The following STK32B variants were observed in gnomAD, a reference collection of about 807,000 sequenced individuals.
STK32B encodes the protein serine/threonine kinase 32B.
Under a neutral mutation model 52.6 loss-of-function variants are expected in STK32B, and 43 were observed. The ratio of observed to expected loss-of-function variants is 0.82; its 90% CI spans 0.64 to 1.05. The LOEUF is 1.05. STK32B is among the 50% of genes least tolerant of loss of function. The pLI is 0.00. For synonymous variants in STK32B, 238 were observed against 204.3 expected, an observed-to-expected ratio of 1.17 and a Z score of -1.41; for missense variants, 621 against 534.6, an observed-to-expected ratio of 1.16 and a Z score of -1.59.
At chr4:5,077,003 C>G (rs1042016405) in intron 1 of STK32B, among the ~76,000 whole-genome samples, 4 of 152,126 alleles carry the variant, frequency 2.6e-5, no homozygotes, top group Non-Finnish European at 5.9e-5. Context: ...CAGGCCTCAT[C>G]ATCTGCAGTG....
In STK32B at chr4:5,061,143, A is replaced by G. The variant is rs186178301; in HGVS notation, c.52+9228A>G. ...AATTGCAAAAGCATTAGACCTTATCACTATGCCCCATCTGGCTTTGACAAT... is the reference window on the plus strand; with the variant it reads ...AATTGCAAAAGCATTAGACCTTATCGCTATGCCCCATCTGGCTTTGACAAT... On this transcript the variant is annotated intron_variant, in intron 1 of 11. Coordinates refer to ENST00000282908, the MANE Select transcript of STK32B (RefSeq NM_018401.3). Among the ~76,000 whole-genome samples, 4 of 152,274 alleles carry G rather than the reference A, an allele frequency of 2.6e-5. No individual in the cohort carries two copies. In the East Asian group the frequency reaches 7.7e-4, roughly 29 times the overall value.
intron 3 of STK32B, among the ~76,000 whole-genome samples, chr4:5,226,900 G>C (rs1050431382): frequency 1.3e-5 from 2 of 152,108 alleles, no homozygotes; most frequent in Non-Finnish European, 2.9e-5. Flanking sequence ...TGGGACTACT[G>C]TAACATAATG....
chr4:5,347,709 T>A (rs1195618853), intron 4 of STK32B, among the ~76,000 whole-genome samples: 1 of 152,128 alleles, frequency 6.6e-6, no homozygotes. Context: ...GGGGGTGGAT[T>A]TCCTCCTTGC....
intron 3 of STK32B, among the ~76,000 whole-genome samples, chr4:5,300,111 C>T (rs1301088626): frequency 2.0e-5 from 3 of 152,120 alleles, no homozygotes; most frequent in Admixed American, 1.3e-4. Flanking sequence ...AGGCTTTATT[C>T]ATGGGATGCA....
chr4:5,265,615 T>C (rs1727008827), intron 3 of STK32B, among the ~76,000 whole-genome samples: 1 of 152,238 alleles, frequency 6.6e-6, no homozygotes, highest in East Asian at 1.9e-4. Context: ...GTTTCTAAAA[T>C]ATTTGGAGTT....
chr4:5,139,132 G>A (rs1189532088), intron 1 of STK32B, among the ~76,000 whole-genome samples: 1 of 152,196 alleles, frequency 6.6e-6, no homozygotes, highest in Admixed American at 6.5e-5. Context: ...GGGGTAGACA[G>A]GTGTGAGACA....
intron 3 of STK32B, among the ~76,000 whole-genome samples, chr4:5,254,278 C>T (rs1158060694): frequency 2.0e-5 from 3 of 151,360 alleles, no homozygotes; most frequent in East Asian, 3.9e-4. Flanking sequence ...TGTTTTTTTC[C>T]TATTTTCTTT....
At chr4:5,491,015 A>G (rs1219214374) in intron 11 of STK32B, among the ~76,000 whole-genome samples, 1 of 152,226 alleles carries the variant, frequency 6.6e-6, no homozygotes, top group South Asian at 2.1e-4. Context: ...GCTATTGTGA[A>G]TAGTGCCATA....
At chr4:5,071,522 T>C (rs542232660) in intron 1 of STK32B, among the ~76,000 whole-genome samples, 1 of 152,302 alleles carries the variant, frequency 6.6e-6, no homozygotes, top group East Asian at 1.9e-4. Context: ...ATAAATTCCA[T>C]TTAAAATGTA....
intron 1 of STK32B, among the ~76,000 whole-genome samples, chr4:5,126,320 C>G (rs528300368): frequency 1.3e-5 from 2 of 152,234 alleles, no homozygotes; most frequent in South Asian, 4.1e-4. Flanking sequence ...CTCCCTTGTT[C>G]TCTCCACCTC....
intron 1 of STK32B, among the ~76,000 whole-genome samples, chr4:5,073,488 A>G (rs1423724814): frequency 2.6e-5 from 4 of 151,842 alleles, no homozygotes; most frequent in Admixed American, 1.3e-4. Context: ...GGTATGTGTT[A>G]TTATTTTTTC....
chr4:5,331,111 G>T (rs986134316), intron 3 of STK32B, 109 bp from the exon 4 acceptor site: 9 of 1,078,650 alleles, frequency 8.3e-6, no homozygotes, highest in African/African-American at 1.6e-5. Flanking sequence ...AGGCAACTCA[G>T]TGCCTCTCTC....
chr4:5,349,663 T>TA (rs1235125736), intron 4 of STK32B, among the ~76,000 whole-genome samples: 2 of 151,944 alleles, frequency 1.3e-5, no homozygotes, highest in Admixed American at 6.6e-5. Flanking sequence ...TATTGAATCC[T>TA]AAAAAAAGAA....
chr4:5,146,054 T>G (rs1011223143), intron 2 of STK32B, among the ~76,000 whole-genome samples: 9 of 130,106 alleles, frequency 6.9e-5, no homozygotes, highest in Non-Finnish European at 1.3e-4. Context: ...TCAAGTTGTT[T>G]TTTTTTTTTT....
At chr4:5,412,649 GTTA>G (rs1711793346) in intron 5 of STK32B, among the ~76,000 whole-genome samples, 1 of 152,124 alleles carries the variant, frequency 6.6e-6, no homozygotes. Flanking sequence ...GGAACCTCAG[GTTA>G]TTATTCTGTA....
rs145199026 is a variant in STK32B at position 5,183,323 on chromosome 4, C to A, written c.260+14873C>A. Among the ~76,000 whole-genome samples, 1,332 of 151,962 alleles carry A rather than the reference C, an allele frequency of 8.8e-3. 17 individuals carry two copies. The highest frequency in any genetic ancestry group is 0.03 in the African/African-American group (1,242 of 41,458). The stretch of plus-strand genomic sequence containing the variant: ...AGAAACCCCATCTCTACTAAAAATA[C>A]AAAATTAGCTGGGCGTGGTCGTGCA... On this transcript the variant is annotated intron_variant, in intron 3 of 11. Transcript: ENST00000282908.
chr4:5,254,736 T>C (rs1002198153), intron 3 of STK32B, among the ~76,000 whole-genome samples: 1 of 152,186 alleles, frequency 6.6e-6, no homozygotes, highest in African/African-American at 2.4e-5. Flanking sequence ...TGTACAGTTA[T>C]AGTGGACTTG....
intron 1 of STK32B, among the ~76,000 whole-genome samples, chr4:5,123,122 C>T (rs1189872477): frequency 6.6e-6 from 1 of 152,174 alleles, no homozygotes; most frequent in Non-Finnish European, 1.5e-5. Flanking sequence ...GTTCTTCTTT[C>T]TCCTGTGGGC....
intron 3 of STK32B, among the ~76,000 whole-genome samples, chr4:5,266,517 G>A (rs973973778): frequency 2.6e-5 from 4 of 152,198 alleles, no homozygotes; most frequent in South Asian, 2.1e-4. Context: ...GAGAGGTGGC[G>A]TGAACTCCGG....
Sources: allele counts gnomAD v4.1 joint callset (sites outside exome capture counted in the v4.1 genomes callset), GRCh38; gene constraint gnomAD v4.1.1; transcripts MANE v1.5; gene names NCBI Gene and HGNC (gene_info 2026-07-23, HGNC 2026-07-21).